The following FAM167A variants were observed in gnomAD, a reference collection of about 807,000 sequenced individuals.
FAM167A encodes protein FAM167A.
A neutral mutation model predicts 14.9 loss-of-function variants in FAM167A; 23 were observed. That is an observed-to-expected ratio of 1.55 (90% CI 1.11 to 2.19). The LOEUF (loss-of-function observed/expected upper bound fraction) is 2.19. Among genes scored for constraint, FAM167A ranks in the 30% most tolerant of loss-of-function variants. The probability of loss-of-function intolerance (pLI) is 0.00; values close to 1 mark genes in which losing one functional copy is unlikely to be tolerated. For missense variants in FAM167A, 401 were observed against 281.5 expected (o/e 1.42, Z -3.04); for synonymous variants, 174 against 117.7 (o/e 1.48, Z -3.10).
chr8:11,428,385 T>C (rs940522915), intron 2 of FAM167A, among the ~76,000 whole-genome samples: 1 of 152,250 alleles, frequency 6.6e-6, no homozygotes, highest in African/African-American at 2.4e-5. Context: ...TCAGTTTCCA[T>C]GGACTGGACA....
At chr8:11,442,267 C>G (rs1806485438) in intron 2 of FAM167A, among the ~76,000 whole-genome samples, 2 of 152,108 alleles carry the variant, frequency 1.3e-5, no homozygotes, top group Admixed American at 1.3e-4. Flanking sequence ...ACTCGAGGCC[C>G]AGGCTGCACA....
intron 2 of FAM167A, among the ~76,000 whole-genome samples, chr8:11,429,492 C>T (rs1224288365): frequency 2.0e-5 from 3 of 152,212 alleles, no homozygotes; most frequent in Non-Finnish European, 4.4e-5. Flanking sequence ...GACAACACAG[C>T]CCCGGCTGCA....
At position 11,460,323 on chromosome 8, in the gene FAM167A, C is replaced by T. The variant is rs149311824; in HGVS notation, c.-398+6303G>A. On this transcript the variant is annotated intron_variant, in intron 1 of 2. Coordinates refer to ENST00000284486, the MANE Select transcript of FAM167A (RefSeq NM_053279.3). ...CTGGTGTGGAAGAGAAAAGAGTTCCCGACCTGGGAGTCAGCTACTGGGGTC... is the reference window on the plus strand; with the variant it reads ...CTGGTGTGGAAGAGAAAAGAGTTCCTGACCTGGGAGTCAGCTACTGGGGTC... Among the ~76,000 whole-genome samples, 536 of 152,332 alleles carry T rather than the reference C, an allele frequency of 3.5e-3. 4 individuals carry two copies. The highest frequency in any genetic ancestry group is 0.012 in the African/African-American group (482 of 41,570).
In FAM167A at chr8:11,460,669, A is replaced by T. The variant is rs377667533; in HGVS notation, c.-398+5957T>A. Among the ~76,000 whole-genome samples, 9 of 152,122 alleles carry T rather than the reference A, an allele frequency of 5.9e-5. No homozygotes were observed. In the East Asian group the frequency reaches 7.7e-4, roughly 13 times the overall value. On this transcript the variant is annotated intron_variant, in intron 1 of 2. Transcript: ENST00000284486. ...CATTTGCAAATTTTTTTCCCCACAC[A>T]CACAATGACCTGGGCTAGGGAGGCC...
At chr8:11,462,643 T>C (rs4840563) in intron 1 of FAM167A, among the ~76,000 whole-genome samples, 29,991 of 152,102 alleles carry the variant, frequency 0.2, 3,256 homozygotes, top group Middle Eastern at 0.41. Context: ...GCTTCCTTGG[T>C]AGGGTGGTGC....
chr8:11,439,610 G>A (rs966450214), intron 2 of FAM167A, among the ~76,000 whole-genome samples: 1 of 152,204 alleles, frequency 6.6e-6, no homozygotes. Context: ...TGGTGCGGGG[G>A]GAGGGAGGAG....
chr8:11,434,461 G>A (rs989902803), intron 2 of FAM167A, among the ~76,000 whole-genome samples: 2 of 152,178 alleles, frequency 1.3e-5, no homozygotes, highest in Non-Finnish European at 2.9e-5. Context: ...CTCCCTGCCA[G>A]GGGCTCCTGT....
chr8:11,458,439 T>A (rs1807415026), intron 1 of FAM167A, among the ~76,000 whole-genome samples: 1 of 152,148 alleles, frequency 6.6e-6, no homozygotes, highest in South Asian at 2.1e-4. Flanking sequence ...TTTTCCAGCA[T>A]CCCTTCTGTG....
At chr8:11,431,986 A>T (rs1385052256) in intron 2 of FAM167A, among the ~76,000 whole-genome samples, 1 of 150,116 alleles carries the variant, frequency 6.7e-6, no homozygotes, top group African/African-American at 2.5e-5. Flanking sequence ...TGTGGGTTTC[A>T]TGCTGTCCCT....
intron 2 of FAM167A, chr8:11,443,502 T>TC (rs143901614): frequency 0.015 from 2,416 of 160,410 alleles, 57 homozygotes; most frequent in African/African-American, 0.055. Context: ...TCCTCACCAC[T>TC]CGAGCACATT....
intron 2 of FAM167A, among the ~76,000 whole-genome samples, chr8:11,427,480 C>T (rs997795070): frequency 6.6e-6 from 1 of 152,200 alleles, no homozygotes; most frequent in African/African-American, 2.4e-5. Flanking sequence ...ACATGCTCGG[C>T]TGTGCCATTT....
chr8:11,422,900 A>C lies in FAM167A; in HGVS notation c.*1473T>G, dbSNP rs1259377260. Reference sequence around the variant, plus strand: ...CTTGACCCAAATGTTCTGAATTGCAATACTCTGGGAGATGTGGGTGGGGGC... The same window carrying C: ...CTTGACCCAAATGTTCTGAATTGCACTACTCTGGGAGATGTGGGTGGGGGC... On this transcript the variant is annotated 3_prime_UTR_variant, in exon 3 of 3. Coordinates refer to ENST00000284486, the MANE Select transcript of FAM167A (RefSeq NM_053279.3). 6.6e-6 allele frequency: 1 copy of C among 152,610 alleles called. No individual in the cohort carries two copies. The highest frequency in any genetic ancestry group is 1.5e-5 in the Non-Finnish European group (1 of 68,032). The allele number at this position is 152,610 out of a possible 1,614,324, so 9.5% of individuals were successfully genotyped here.
chr8:11,437,066 C>A (rs4310165), intron 2 of FAM167A, among the ~76,000 whole-genome samples: 1 of 152,208 alleles, frequency 6.6e-6, no homozygotes, highest in East Asian at 1.9e-4. Flanking sequence ...TCACTTCATA[C>A]TCCATTACTC....
intron 1 of FAM167A, among the ~76,000 whole-genome samples, chr8:11,447,458 C>T (rs559617496): frequency 3.3e-5 from 5 of 152,344 alleles, no homozygotes; most frequent in African/African-American, 7.2e-5. Context: ...CATCTGGTGG[C>T]ACGGGCATTA....
chr8:11,444,314 AG>A lies in FAM167A; in HGVS notation c.97del (p.Leu33SerfsTer5). 6.2e-7 allele frequency: 1 copy of A among 1,611,974 alleles called. No individual in the cohort carries two copies. Among genetic ancestry groups the A allele is most frequent in the East Asian group, 2.2e-5 (1 of 44,856 alleles). ...GGTCTCCAGCCTCAGTTTCTCGGTGAGGGCCTTCAGGCTCCGGAGGTGGTCA... is the reference window on the plus strand; with the variant it reads ...GGTCTCCAGCCTCAGTTTCTCGGTGAGGCCTTCAGGCTCCGGAGGTGGTCA... ...PDDHLRSLKA[L>X]TEKLRLETRR... is the part of the protein sequence containing the mutation. On this transcript the variant is annotated frameshift_variant, in exon 2 of 3. Transcript: ENST00000284486. LOFTEE classifies it high-confidence loss of function.
chr8:11,449,900 G>A (rs1410320006), intron 1 of FAM167A, among the ~76,000 whole-genome samples: 1 of 152,210 alleles, frequency 6.6e-6, no homozygotes, highest in Non-Finnish European at 1.5e-5. Flanking sequence ...GACCTAATCT[G>A]TTCACCTGGA....
In FAM167A at chr8:11,421,503, T is replaced by C. The variant is rs1430640895; in HGVS notation, c.*2870A>G. The C allele has an allele frequency of 2.7e-6, 1 of 376,536 alleles. No individual in the cohort carries two copies. Among genetic ancestry groups the C allele is most frequent in the African/African-American group, 2.1e-5 (1 of 48,180 alleles). The allele number at this position is 376,536 out of a possible 1,614,324, so 23.3% of individuals were successfully genotyped here. On this transcript the variant is annotated 3_prime_UTR_variant, in exon 3 of 3. Coordinates refer to ENST00000284486, the MANE Select transcript of FAM167A (RefSeq NM_053279.3). ...TTATTTTTATATGGATATCTTCTTT[T>C]GAAGTATTTTTATTTCACTTTTTCT...
chr8:11,432,685 C>G (rs938952767), intron 2 of FAM167A, among the ~76,000 whole-genome samples: 2 of 152,160 alleles, frequency 1.3e-5, no homozygotes, highest in Non-Finnish European at 2.9e-5. Flanking sequence ...ACAGGAAATA[C>G]CATTTGACCC....
At chr8:11,445,817 G>GT (rs781036083) in intron 1 of FAM167A, among the ~76,000 whole-genome samples, 70 of 132,706 alleles carry the variant, frequency 5.3e-4, no homozygotes, top group Admixed American at 1.8e-3. Flanking sequence ...TTAAGGGTGT[G>GT]TTTTAAAAAA....
Sources: gnomAD v4.1 joint callset for allele counts (sites outside exome capture counted in the v4.1 genomes callset) on GRCh38, gnomAD v4.1.1 for gene constraint, MANE v1.5 for transcripts, NCBI Gene and HGNC (gene_info 2026-07-23, HGNC 2026-07-21) for gene names.